HYCC2: variants seen among roughly 807,000 people sequenced by gnomAD.
HYCC2 encodes the protein hyccin 2.
At chr2:201,064,136 A>G in the HYCC2 span, 2 of 1,072,932 alleles carry the variant, frequency 1.9e-6, no homozygotes, top group East Asian at 4.9e-5. Flanking sequence ...AACTCAGCCA[A>G]GCACAGTGGT....
chr2:200,988,777 C>G, the HYCC2 span, among the ~76,000 whole-genome samples: 40 of 152,300 alleles, frequency 2.6e-4, no homozygotes, highest in African/African-American at 9.6e-4. Context: ...GTTCTCCACT[C>G]TTCTGTTTAC....
the HYCC2 span, among the ~76,000 whole-genome samples, chr2:201,059,473 G>A: frequency 6.6e-6 from 1 of 152,144 alleles, no homozygotes; most frequent in Non-Finnish European, 1.5e-5. Flanking sequence ...TGGCTAGGCA[G>A]ATACCCAACC....
the HYCC2 span, chr2:201,063,671 G>A: frequency 1.7e-4 from 268 of 1,575,396 alleles, 1 homozygote; most frequent in South Asian, 2.8e-3. Flanking sequence ...TAGCCAAAGA[G>A]GTCGAAGTGG....
At chr2:201,022,329 A>G in the HYCC2 span, among the ~76,000 whole-genome samples, 2 of 152,304 alleles carry the variant, frequency 1.3e-5, no homozygotes, top group African/African-American at 4.8e-5. Context: ...AAGTTTATTG[A>G]TCTTGACTAC....
At chr2:200,979,404 G>A in the HYCC2 span, 4 of 152,082 alleles carry the variant, frequency 2.6e-5, no homozygotes, top group African/African-American at 7.3e-5. Context: ...ATTTTCACAT[G>A]AGCTGGAAAA....
At chr2:201,029,782 G>A in the HYCC2 span, among the ~76,000 whole-genome samples, 1 of 152,150 alleles carries the variant, frequency 6.6e-6, no homozygotes, top group Admixed American at 6.6e-5. Context: ...CCTGTCATGA[G>A]GTGGGGGGAT....
the HYCC2 span, among the ~76,000 whole-genome samples, chr2:201,024,307 G>T: frequency 2.8e-3 from 429 of 152,140 alleles, 2 homozygotes; most frequent in African/African-American, 0.01. Flanking sequence ...TGGCAACACA[G>T]TGAGACCTTG....
chr2:201,029,787 G>A, the HYCC2 span, among the ~76,000 whole-genome samples: 3 of 152,152 alleles, frequency 2.0e-5, no homozygotes, highest in Non-Finnish European at 2.9e-5. Flanking sequence ...CATGAGGTGG[G>A]GGGATGGGGG....
chr2:201,001,389 G>A, the HYCC2 span, among the ~76,000 whole-genome samples: 1 of 152,086 alleles, frequency 6.6e-6, no homozygotes, highest in East Asian at 1.9e-4. Context: ...AGACTAAAGA[G>A]AGCAGAGTTA....
At chr2:201,024,242 C>T in the HYCC2 span, among the ~76,000 whole-genome samples, 1 of 152,094 alleles carries the variant, frequency 6.6e-6, no homozygotes, top group East Asian at 1.9e-4. Context: ...TGAATCTCAA[C>T]ACTTTGGGAA....
chr2:201,027,540 A>G, the HYCC2 span, among the ~76,000 whole-genome samples: 1 of 152,222 alleles, frequency 6.6e-6, no homozygotes, highest in African/African-American at 2.4e-5. Context: ...AACATCCCTG[A>G]TGAACATCGA....
chr2:201,065,360 G>A, the HYCC2 span, among the ~76,000 whole-genome samples: 1 of 152,128 alleles, frequency 6.6e-6, no homozygotes, highest in African/African-American at 2.4e-5. Flanking sequence ...GAACATTTAG[G>A]TTTCCAGTTT....
At chr2:201,025,869 G>A in the HYCC2 span, among the ~76,000 whole-genome samples, 3 of 152,038 alleles carry the variant, frequency 2.0e-5, no homozygotes, top group Non-Finnish European at 2.9e-5. Context: ...GACATGCCTG[G>A]GAAACACAGC....
chr2:201,007,805 C>G, the HYCC2 span, among the ~76,000 whole-genome samples: 1 of 152,114 alleles, frequency 6.6e-6, no homozygotes, highest in Non-Finnish European at 1.5e-5. Flanking sequence ...AGGCAATCAA[C>G]CTAATCAATC....
At chr2:201,015,828 T>G in the HYCC2 span, among the ~76,000 whole-genome samples, 3 of 152,168 alleles carry the variant, frequency 2.0e-5, no homozygotes, top group African/African-American at 7.2e-5. Flanking sequence ...TATGTTCAAT[T>G]GATAGCTGCT....
At chr2:201,002,191 T>C in the HYCC2 span, among the ~76,000 whole-genome samples, 1 of 149,158 alleles carries the variant, frequency 6.7e-6, no homozygotes, top group South Asian at 2.1e-4. Context: ...CCCAGCACTT[T>C]GGGAGGTCGA....
the HYCC2 span, among the ~76,000 whole-genome samples, chr2:201,071,053 T>C: frequency 1.3e-5 from 2 of 152,036 alleles, no homozygotes; most frequent in African/African-American, 4.8e-5. Flanking sequence ...CATTAATAGG[T>C]TGCAAGACCT....
chr2:201,017,562 A>AAT, the HYCC2 span, among the ~76,000 whole-genome samples: 1 of 152,244 alleles, frequency 6.6e-6, no homozygotes, highest in African/African-American at 2.4e-5. Context: ...GAATAAACTT[A>AAT]AAATCTCAAC....
At chr2:201,000,145 G>A in the HYCC2 span, among the ~76,000 whole-genome samples, 1 of 151,884 alleles carries the variant, frequency 6.6e-6, no homozygotes, top group East Asian at 1.9e-4. Flanking sequence ...GCTGAGGCAG[G>A]GAGGATTGCT....
Sources: allele counts gnomAD v4.1 joint callset (sites outside exome capture counted in the v4.1 genomes callset), GRCh38; gene constraint gnomAD v4.1.1; transcripts MANE v1.5; gene names NCBI Gene and HGNC (gene_info 2026-07-23, HGNC 2026-07-21).